The following PROK1 variants were observed in gnomAD, a reference collection of about 807,000 sequenced individuals.
PROK1 encodes prokineticin-1.
A neutral mutation model predicts 8.8 loss-of-function variants in PROK1; 10 were observed. The ratio of observed to expected loss-of-function variants is 1.13; its 90% CI spans 0.70 to 1.92. The LOEUF is 1.92. Among genes scored for constraint, PROK1 ranks in the 30% most tolerant of loss-of-function variants. The pLI is 0.00. For missense variants in PROK1, 140 were observed against 139.7 expected (o/e 1.00, Z -0.01); for synonymous variants, 57 against 56.0 (o/e 1.02, Z -0.08).
At chr1:110,451,470 A>G (rs533603187) in intron 1 of PROK1, among the ~76,000 whole-genome samples, 182 bp downstream of exon 1, 7 of 152,298 alleles carry the variant, frequency 4.6e-5, no homozygotes, top group African/African-American at 1.7e-4. Flanking sequence ...ACCTCACTCT[A>G]CTAAATGGGA....
chr1:110,455,940 CGT>C (rs143245805), intron 2 of PROK1, among the ~76,000 whole-genome samples: 6 of 151,010 alleles, frequency 4.0e-5, no homozygotes, highest in Admixed American at 1.3e-4. Context: ...CATGTGTGTG[CGT>C]GTGTGTGTGT....
At chr1:110,453,896 A>C in intron 1 of PROK1, 65 bp from the exon 2 acceptor site, 4 of 1,596,788 alleles carry the variant, frequency 2.5e-6, no homozygotes, top group Non-Finnish European at 3.4e-6. Flanking sequence ...TTTTGGATCT[A>C]CCCTTCCCTT....
Position 110,454,047 on chromosome 1 carries a change from G to A in PROK1, c.159G>A (p.Leu53=). 1 of 1,614,002 alleles carries A rather than the reference G, an allele frequency of 6.2e-7. No individual in the cohort carries two copies. The highest frequency in any genetic ancestry group is 1.3e-5 in the African/African-American group (1 of 75,066). The change falls in exon 2 of 3, where the codon CTG becomes CTA. Residue 53 remains leucine (L), a synonymous_variant. Coordinates refer to ENST00000271331, the MANE Select transcript of PROK1 (RefSeq NM_032414.3). The part of the protein sequence containing the change: ...WLRGLRMCTP[L]GREGEECHPG... ...GAGGGCTGCGGATGTGCACCCCGCT[G>A]GGGCGGGAAGGCGAGGAGTGCCACC...
At chr1:110,451,712 CTTAA>C (rs1241989895) in intron 1 of PROK1, among the ~76,000 whole-genome samples, 1 of 152,178 alleles carries the variant, frequency 6.6e-6, no homozygotes, top group African/African-American at 2.4e-5. Context: ...AGCATGTTGA[CTTAA>C]TTAAAGGCAG....
Position 110,457,101 on chromosome 1 carries a change from AT to A in PROK1, c.*751del, listed in dbSNP as rs1664185169. Reference sequence around the variant, plus strand: ...CAATTCCCACAGCTTTTCCATTAAAATGCAAATGGTGGTGGTTCAATCTAAT... The same window carrying A: ...CAATTCCCACAGCTTTTCCATTAAAAGCAAATGGTGGTGGTTCAATCTAAT... On this transcript the variant is annotated 3_prime_UTR_variant, in exon 3 of 3. Coordinates refer to ENST00000271331, the MANE Select transcript of PROK1 (RefSeq NM_032414.3). The A allele has an allele frequency of 6.5e-6, 1 of 154,118 alleles. No individual in the cohort carries two copies. The highest frequency in any genetic ancestry group is 2.0e-4 in the South Asian group (1 of 4,896). 9.5% of individuals were successfully genotyped at this position (154,118 alleles called of 1,614,324 possible).
rs550994099 is a variant in PROK1 at position 110,455,188 on chromosome 1, G to T, written c.199-1044G>T. Among the ~76,000 whole-genome samples the T allele has an allele frequency of 2.0e-5, 3 of 152,308 alleles. No homozygotes were observed. The East Asian group carries it at 5.8e-4, about 29-fold the overall frequency. ...GAAGGCAATTAGGGCATTTCCACAG[G>T]CTCTCAGGTGACTTGCTTTCCTCCC... On this transcript the variant is annotated intron_variant, in intron 2 of 2. Transcript: ENST00000271331.
Position 110,456,389 on chromosome 1 carries a change from C to G in PROK1, c.*38C>G. ...TCTCAGGATACCCACCATCCTTTTC[C>G]TGAGCACAGCCTGGATTTTTATTTC... On this transcript the variant is annotated 3_prime_UTR_variant, in exon 3 of 3. Transcript: ENST00000271331. 6.2e-7 allele frequency: 1 copy of G among 1,612,264 alleles called. No individual in the cohort carries two copies. Among genetic ancestry groups the G allele is most frequent in the Middle Eastern group, 1.7e-4 (1 of 6,060 alleles).
intron 2 of PROK1, among the ~76,000 whole-genome samples, chr1:110,455,167 G>A (rs1038210289): frequency 6.6e-6 from 1 of 152,180 alleles, no homozygotes; most frequent in African/African-American, 2.4e-5. Flanking sequence ...ATATTAGAAG[G>A]CAATTAGGGC....
At chr1:110,452,635 T>C (rs965637876) in intron 1 of PROK1, among the ~76,000 whole-genome samples, 83 of 152,168 alleles carry the variant, frequency 5.5e-4, no homozygotes, top group African/African-American at 1.9e-3. Context: ...TTTCCCTAGG[T>C]GAGGGAAACC....
chr1:110,453,787 G>A (rs1664126671), intron 1 of PROK1, among the ~76,000 whole-genome samples, 174 bp from the exon 2 acceptor site: 1 of 152,216 alleles, frequency 6.6e-6, no homozygotes, highest in African/African-American at 2.4e-5. Context: ...GCCTCCCCAC[G>A]AGGGGAGCAA....
intron 2 of PROK1, among the ~76,000 whole-genome samples, chr1:110,454,940 C>G (rs1372658205): frequency 6.6e-6 from 1 of 152,164 alleles, no homozygotes; most frequent in East Asian, 1.9e-4. Flanking sequence ...TAAGAAGTCA[C>G]TCTCTCTTGT....
Position 110,453,944 on chromosome 1 carries a change from C to T in PROK1, c.73-17C>T, listed in dbSNP as rs767050858. On this transcript the variant is annotated splice_polypyrimidine_tract_variant and intron_variant, in intron 1 of 2. Transcript: ENST00000271331. The stretch of plus-strand genomic sequence containing the variant: ...GGGTGCACTAATGAACTGTTCCCTT[C>T]TCTCTCCCTCCTACAGGCCTGTGAG... 26 of 1,614,050 alleles carry T rather than the reference C, an allele frequency of 1.6e-5. No homozygotes were observed. The South Asian group carries it at 2.4e-4, about 15-fold the overall frequency.
intron 1 of PROK1, among the ~76,000 whole-genome samples, chr1:110,452,774 C>T (rs1016602637): frequency 6.8e-6 from 1 of 148,004 alleles, no homozygotes; most frequent in African/African-American, 2.5e-5. Flanking sequence ...GCTCCACCAC[C>T]TCTACACTCC....
At position 110,456,353 on chromosome 1, in the gene PROK1, C is replaced by G; in HGVS notation, c.*2C>G. The G allele has an allele frequency of 6.2e-7, 1 of 1,613,852 alleles. No individual in the cohort carries two copies. Among genetic ancestry groups the G allele is most frequent in the Non-Finnish European group, 8.5e-7 (1 of 1,180,022 alleles). ...GACTTGAAGAACATCAATTTTTAGG[C>G]GCTTGCCTGGTCTCAGGATACCCAC... On this transcript the variant is annotated 3_prime_UTR_variant, in exon 3 of 3. Transcript: ENST00000271331.
At chr1:110,456,147 T>C (rs1393203677) in intron 2 of PROK1, 85 bp from the exon 3 acceptor site, 1 of 1,493,518 alleles carries the variant, frequency 6.7e-7, no homozygotes, top group African/African-American at 1.4e-5. Flanking sequence ...GTGAGACTTT[T>C]GCCAGTGCTG....
intron 1 of PROK1, among the ~76,000 whole-genome samples, chr1:110,453,479 T>G (rs145793953): frequency 0.013 from 1,949 of 151,894 alleles, 27 homozygotes; most frequent in Non-Finnish European, 0.019. Context: ...AGGATGGGGG[T>G]GCCTCCATGC....
chr1:110,451,936 G>T (rs1048425885), intron 1 of PROK1, among the ~76,000 whole-genome samples: 8 of 152,128 alleles, frequency 5.3e-5, no homozygotes, highest in Non-Finnish European at 1.2e-4. Flanking sequence ...AGAAGCAAAG[G>T]TTCAGCATAT....
intron 2 of PROK1, 130 bp downstream of exon 2, chr1:110,454,216 G>A (rs1282655359): frequency 2.4e-6 from 3 of 1,251,236 alleles, no homozygotes; most frequent in Admixed American, 4.8e-5. Flanking sequence ...GTCTAGGGAG[G>A]CTGTGGCTCC....
chr1:110,454,121 G>A (rs1420561482), intron 2 of PROK1, 35 bp downstream of exon 2: 2 of 1,608,646 alleles, frequency 1.2e-6, no homozygotes, highest in East Asian at 2.2e-5. Flanking sequence ...GCACATATGT[G>A]GGTGGGCCAT....
Sources: gnomAD v4.1 joint callset for allele counts (sites outside exome capture counted in the v4.1 genomes callset) on GRCh38, gnomAD v4.1.1 for gene constraint, MANE v1.5 for transcripts, NCBI Gene and HGNC (gene_info 2026-07-23, HGNC 2026-07-21) for gene names.